LRRC75A: variants seen among roughly 807,000 people sequenced by gnomAD.
LRRC75A encodes the protein leucine-rich repeat-containing protein 75A.
Under a neutral mutation model 26.0 loss-of-function variants are expected in LRRC75A, and 12 were observed. The ratio of observed to expected loss-of-function variants is 0.46; its 90% CI spans 0.30 to 0.75. The LOEUF (loss-of-function observed/expected upper bound fraction) is 0.75, where lower values mean the gene tolerates loss of function less well. Ranked by LOEUF, LRRC75A falls within the 30% of genes least tolerant of loss-of-function variation. LRRC75A has a pLI of 0.08. For missense variants in LRRC75A, 410 were observed against 486.6 expected, an observed-to-expected ratio of 0.84 and a Z score of 1.48; for synonymous variants, 223 against 219.3, an observed-to-expected ratio of 1.02 and a Z score of -0.15.
In LRRC75A at chr17:16,482,453, G is replaced by T. The variant is rs185182784; in HGVS notation, c.246+9292C>A. On this transcript the variant is annotated intron_variant, in intron 1 of 3. Coordinates refer to ENST00000470794, the MANE Select transcript of LRRC75A (RefSeq NM_001113567.3). ...CTGGGAGAGACCTGGGCTGAGGGCC[G>T]TGGGAAGGCCAAGTGGGCAGGAGAG... is the stretch of plus-strand genomic sequence containing the variant. 2.6e-5 allele frequency among the ~76,000 whole-genome samples: 4 copies of T among 152,254 alleles called. No individual in the cohort carries two copies. In the East Asian group the frequency reaches 7.7e-4, roughly 29 times the overall value.
intron 1 of LRRC75A, among the ~76,000 whole-genome samples, chr17:16,483,099 C>T (rs934502799): frequency 2.0e-5 from 3 of 152,208 alleles, no homozygotes; most frequent in Non-Finnish European, 2.9e-5. Context: ...AGCAGCCCCA[C>T]AGTAGGCAGA....
At position 16,462,135 on chromosome 17, in the gene LRRC75A, G is replaced by A. The variant is rs1019929926; in HGVS notation, c.375+123C>T. The A allele has an allele frequency of 1.6e-6, 2 of 1,276,698 alleles. No individual in the cohort carries two copies. Among genetic ancestry groups the A allele is most frequent in the African/African-American group, 3.0e-5 (2 of 66,914 alleles). The allele number at this position is 1,276,698 out of a possible 1,614,324, so 79.1% of individuals were successfully genotyped here. On this transcript the variant is annotated intron_variant, in intron 2 of 3. Transcript: ENST00000470794. This position sits in a 1 kb window ranked among gnomAD's most constrained non-coding sequence, Gnocchi z 4.6. ...GAGCACCTCAAGCTCTTGGTGCCTG[G>A]AGGACGGGCTTGTCCTCCTTGGGCC...
chr17:16,476,802 A>G (rs1188477231), intron 1 of LRRC75A, among the ~76,000 whole-genome samples: 5 of 141,902 alleles, frequency 3.5e-5, no homozygotes, highest in Admixed American at 1.5e-4. Flanking sequence ...GCAGTAGCAC[A>G]ATCTCGGCTC....
In LRRC75A at chr17:16,466,650, C is replaced by T. The variant is rs979089836; in HGVS notation, c.247-4264G>A. Reference sequence around the variant, plus strand: ...TCGGAGAGTGTGGCTGGCCTGACACCGAGTCACTCTCGGCTCCCTTTCCGA... The same window carrying T: ...TCGGAGAGTGTGGCTGGCCTGACACTGAGTCACTCTCGGCTCCCTTTCCGA... On this transcript the variant is annotated intron_variant, in intron 1 of 3. Transcript: ENST00000470794. Among the ~76,000 whole-genome samples the T allele has an allele frequency of 5.3e-5, 8 of 152,072 alleles. No individual in the cohort carries two copies. In the East Asian group the frequency reaches 5.8e-4, roughly 11 times the overall value.
intron 1 of LRRC75A, among the ~76,000 whole-genome samples, chr17:16,481,564 A>C (rs2093833990): frequency 6.6e-6 from 1 of 152,070 alleles, no homozygotes; most frequent in Admixed American, 6.5e-5. Context: ...TCAATCTTCC[A>C]CACCTGGGCC....
intron 1 of LRRC75A, among the ~76,000 whole-genome samples, chr17:16,480,232 A>G (rs1245899720): frequency 1.3e-5 from 2 of 152,262 alleles, no homozygotes; most frequent in Non-Finnish European, 2.9e-5. Flanking sequence ...ACAGAAATAA[A>G]GTACACAATA....
chr17:16,484,522 T>A (rs1030627295), intron 1 of LRRC75A, among the ~76,000 whole-genome samples: 1 of 152,006 alleles, frequency 6.6e-6, no homozygotes, highest in Admixed American at 6.6e-5. Context: ...CGGGCACCCT[T>A]CTTGACCGCC....
chr17:16,491,288 G>T lies in LRRC75A; in HGVS notation c.246+457C>A, dbSNP rs2093856523. Among the ~76,000 whole-genome samples the T allele has an allele frequency of 6.6e-6, 1 of 152,216 alleles. No homozygotes were observed. Among genetic ancestry groups the T allele is most frequent in the Non-Finnish European group, 1.5e-5 (1 of 68,032 alleles). ...GGACTGGAATCTCATTGGCCCCAGG[G>T]CTGTGCCCCTGGACTCGCTCTCGGG... On this transcript the variant is annotated intron_variant, in intron 1 of 3. Coordinates refer to ENST00000470794, the MANE Select transcript of LRRC75A (RefSeq NM_001113567.3). This position sits in a 1 kb window ranked among gnomAD's most constrained non-coding sequence, Gnocchi z 5.9.
intron 1 of LRRC75A, among the ~76,000 whole-genome samples, chr17:16,485,078 C>CT (rs1248510174): frequency 6.6e-6 from 1 of 152,084 alleles, no homozygotes; most frequent in Non-Finnish European, 1.5e-5. Context: ...CCCGCCCCTG[C>CT]TTGGCGCGCC....
chr17:16,485,007 G>A (rs1426934880), intron 1 of LRRC75A, among the ~76,000 whole-genome samples: 6 of 151,112 alleles, frequency 4.0e-5, no homozygotes, highest in Non-Finnish European at 7.4e-5. Flanking sequence ...GGAGAGCCAC[G>A]TGGGCACTGC....
intron 2 of LRRC75A, among the ~76,000 whole-genome samples, chr17:16,450,922 G>A (rs1380768723): frequency 5.3e-5 from 8 of 152,162 alleles, no homozygotes; most frequent in Admixed American, 5.2e-4. Context: ...GACATGAGTA[G>A]AAGGCAAGGG....
chr17:16,447,676 C>A (rs2093597315), intron 3 of LRRC75A, among the ~76,000 whole-genome samples, 169 bp downstream of exon 3: 1 of 152,096 alleles, frequency 6.6e-6, no homozygotes, highest in Admixed American at 6.5e-5. Flanking sequence ...CCAGGGTCCC[C>A]CTCTAGATGT....
At position 16,476,377 on chromosome 17, in the gene LRRC75A, A is replaced by AT. The variant is rs200251487; in HGVS notation, c.247-13992_247-13991insA. On this transcript the variant is annotated intron_variant, in intron 1 of 3. Transcript: ENST00000470794. ...AGTGAGACTCTGTCTCAAAAAAAAA[A>AT]ATTTTTTTTTTTTTGTAGAAATGGA... 7.0e-3 allele frequency among the ~76,000 whole-genome samples: 1,042 copies of AT among 149,248 alleles called. 13 individuals carry two copies. Among genetic ancestry groups the AT allele is most frequent in the African/African-American group, 0.023 (943 of 40,314 alleles).
intron 2 of LRRC75A, among the ~76,000 whole-genome samples, chr17:16,455,189 T>C (rs2093667190): frequency 6.6e-6 from 1 of 152,156 alleles, no homozygotes; most frequent in African/African-American, 2.4e-5. Context: ...TGCCTCGGCC[T>C]CCCAAAGTGC....
chr17:16,462,179 G>A lies in LRRC75A; in HGVS notation c.375+79C>T. On this transcript the variant is annotated intron_variant, in intron 2 of 3. Transcript: ENST00000470794. The surrounding 1 kb of genome is among the most constrained non-coding windows in gnomAD (Gnocchi z 4.6). ...TTGGGCCTGTCTGCCAGTCCTCCTT[G>A]GGCATACAGCTGCTCTGCCCAGAAA... 3.2e-6 allele frequency: 5 copies of A among 1,540,650 alleles called. No homozygotes were observed. The highest frequency in any genetic ancestry group is 4.4e-6 in the Non-Finnish European group (5 of 1,131,962).
intron 1 of LRRC75A, among the ~76,000 whole-genome samples, chr17:16,473,019 G>A (rs567372798): frequency 6.6e-6 from 1 of 152,298 alleles, no homozygotes; most frequent in South Asian, 2.1e-4. Context: ...CTAGATTCGT[G>A]AGGGGAATAA....
intron 1 of LRRC75A, chr17:16,463,453 G>A (rs1352954807): frequency 6.6e-6 from 1 of 152,290 alleles, no homozygotes. Context: ...TCCGGAGACT[G>A]TCCTCACACC....
intron 1 of LRRC75A, among the ~76,000 whole-genome samples, chr17:16,485,071 G>A (rs930522907): frequency 6.6e-6 from 1 of 151,704 alleles, no homozygotes; most frequent in East Asian, 1.9e-4. Context: ...GGGGGTCCCC[G>A]CCCCTGCTTG....
intron 1 of LRRC75A, among the ~76,000 whole-genome samples, chr17:16,475,362 T>A (rs1168304338): frequency 6.6e-6 from 1 of 152,132 alleles, no homozygotes; most frequent in Non-Finnish European, 1.5e-5. Context: ...AGGAATTGGC[T>A]CACATGATTG....
Sources: gnomAD v4.1 joint callset for allele counts (sites outside exome capture counted in the v4.1 genomes callset) on GRCh38, gnomAD v4.1.1 for gene constraint, Gnocchi (gnomAD v3.1) non-coding constraint, MANE v1.5 for transcripts, NCBI Gene and HGNC (gene_info 2026-07-23, HGNC 2026-07-21) for gene names.